The following DYM variants were observed in gnomAD, a reference collection of about 807,000 sequenced individuals.
DYM encodes dyggve-Melchior-Clausen syndrome protein.
DYM carries 78 observed loss-of-function variants against 93.1 expected under a neutral mutation model. The observed-to-expected ratio is 0.84, with a 90% CI of 0.70 to 1.01. DYM has a LOEUF of 1.01. Among genes scored for constraint, DYM ranks in the 50% least tolerant of loss-of-function variants. The probability of loss-of-function intolerance (pLI) is 0.00; values close to 1 mark genes in which losing one functional copy is unlikely to be tolerated. For synonymous variants in DYM, 321 were observed against 319.7 expected, an observed-to-expected ratio of 1.00 and a Z score of -0.04; for missense variants, 789 against 845.0, an observed-to-expected ratio of 0.93 and a Z score of 0.82.
At chr18:49,251,224 T>C (rs1012404376) in intron 13 of DYM, among the ~76,000 whole-genome samples, 1 of 152,194 alleles carries the variant, frequency 6.6e-6, no homozygotes, top group Non-Finnish European at 1.5e-5. Flanking sequence ...TTCCAGTGAA[T>C]ACAGCAGTGT....
intron 10 of DYM, among the ~76,000 whole-genome samples, chr18:49,278,393 A>G (rs1343186979): frequency 6.6e-6 from 1 of 152,208 alleles, no homozygotes; most frequent in East Asian, 1.9e-4. Flanking sequence ...TCTCTGTTGG[A>G]CTAATACAAA....
intron 17 of DYM, among the ~76,000 whole-genome samples, chr18:49,049,256 A>T (rs2072064123): frequency 6.6e-6 from 1 of 152,196 alleles, no homozygotes; most frequent in Non-Finnish European, 1.5e-5. Context: ...TTCATCTTTG[A>T]AACAACTACA....
intron 8 of DYM, among the ~76,000 whole-genome samples, chr18:49,310,238 A>G (rs1158468287): frequency 2.0e-5 from 3 of 152,242 alleles, no homozygotes; most frequent in Non-Finnish European, 4.4e-5. Context: ...CATTAATTAC[A>G]TGGGATTCAG....
intron 15 of DYM, among the ~76,000 whole-genome samples, chr18:49,158,531 C>A (rs1042639755): frequency 3.3e-5 from 5 of 152,046 alleles, no homozygotes; most frequent in Non-Finnish European, 7.4e-5. Flanking sequence ...ATAACTGTTC[C>A]CATGTTATAT....
intron 17 of DYM, among the ~76,000 whole-genome samples, chr18:49,081,896 G>A (rs1430226200): frequency 6.6e-6 from 1 of 152,220 alleles, no homozygotes; most frequent in Admixed American, 6.5e-5. Flanking sequence ...AAAGTGTCAG[G>A]AAGTAGGTTT....
intron 16 of DYM, among the ~76,000 whole-genome samples, chr18:49,102,748 T>G: frequency 6.6e-6 from 1 of 152,198 alleles, no homozygotes; most frequent in Non-Finnish European, 1.5e-5. Flanking sequence ...CATGAACTCA[T>G]CCTTTTTTAT....
At chr18:49,460,033 G>T (rs1264380372) in intron 1 of DYM, among the ~76,000 whole-genome samples, 2 of 152,116 alleles carry the variant, frequency 1.3e-5, no homozygotes, top group Admixed American at 1.3e-4. Flanking sequence ...TTTCTGATAT[G>T]TTAGTTATAC....
At chr18:49,070,565 T>C (rs1568370695) in intron 17 of DYM, among the ~76,000 whole-genome samples, 1 of 152,168 alleles carries the variant, frequency 6.6e-6, no homozygotes, top group Non-Finnish European at 1.5e-5. Flanking sequence ...CAAGCCCCCT[T>C]TGCCCATTTG....
intron 15 of DYM, among the ~76,000 whole-genome samples, chr18:49,139,331 T>G (rs2144357829): frequency 6.6e-6 from 1 of 152,308 alleles, no homozygotes; most frequent in Non-Finnish European, 1.5e-5. Flanking sequence ...TTTGCTTTCT[T>G]ATTCTGAAAT....
At chr18:49,311,840 C>A (rs902891110) in intron 8 of DYM, among the ~76,000 whole-genome samples, 2 of 149,414 alleles carry the variant, frequency 1.3e-5, no homozygotes, top group Admixed American at 1.3e-4. Context: ...CAAACCTTCA[C>A]GTTATGCACA....
intron 8 of DYM, among the ~76,000 whole-genome samples, chr18:49,289,033 C>T (rs1255256335): frequency 1.3e-5 from 2 of 152,018 alleles, no homozygotes; most frequent in African/African-American, 4.8e-5. Flanking sequence ...GATTTGGCAG[C>T]AGAGGAGACA....
intron 14 of DYM, among the ~76,000 whole-genome samples, chr18:49,168,582 C>T (rs2088216940): frequency 6.6e-6 from 1 of 152,094 alleles, no homozygotes; most frequent in African/African-American, 2.4e-5. Flanking sequence ...TGAAGGGCCG[C>T]TTTATGGCAC....
chr18:49,439,251 G>A (rs2081113848), intron 1 of DYM, among the ~76,000 whole-genome samples: 1 of 152,144 alleles, frequency 6.6e-6, no homozygotes, highest in South Asian at 2.1e-4. Flanking sequence ...GTAACTCTAT[G>A]CTAGAAATGA....
At chr18:49,223,697 GGTAA>G (rs1568048296) in intron 13 of DYM, among the ~76,000 whole-genome samples, 1 of 152,070 alleles carries the variant, frequency 6.6e-6, no homozygotes, top group East Asian at 1.9e-4. Context: ...TGAATAGATA[GGTAA>G]GGGAAAGTTT....
chr18:49,429,498 A>T (rs1420700916), intron 2 of DYM, among the ~76,000 whole-genome samples: 2 of 152,208 alleles, frequency 1.3e-5, no homozygotes, highest in East Asian at 3.8e-4. Flanking sequence ...TTTGTAATAG[A>T]ATTAAATATG....
chr18:49,330,810 C>T (rs1437566355), intron 8 of DYM, among the ~76,000 whole-genome samples: 1 of 152,184 alleles, frequency 6.6e-6, no homozygotes. Flanking sequence ...CTCAAAGAAT[C>T]TATGCAGGTG....
chr18:49,172,758 T>C (rs1275721824), intron 14 of DYM, among the ~76,000 whole-genome samples: 1 of 152,162 alleles, frequency 6.6e-6, no homozygotes, highest in African/African-American at 2.4e-5. Flanking sequence ...CAGTGTCTTT[T>C]GAAGAGCAAA....
chr18:49,365,933 T>A (rs75883771), intron 5 of DYM, among the ~76,000 whole-genome samples: 1,721 of 152,332 alleles, frequency 0.011, 18 homozygotes, highest in South Asian at 0.019. Context: ...TTAAGGAGTA[T>A]ACACACAGCT....
chr18:49,230,596 A>G (rs917011894), intron 13 of DYM, among the ~76,000 whole-genome samples: 7 of 152,314 alleles, frequency 4.6e-5, no homozygotes, highest in African/African-American at 1.7e-4. Context: ...TACTACAGCA[A>G]TGGTTCATTC....
Sources: gnomAD v4.1 joint callset for allele counts (sites outside exome capture counted in the v4.1 genomes callset) on GRCh38, gnomAD v4.1.1 for gene constraint, MANE v1.5 for transcripts, NCBI Gene and HGNC (gene_info 2026-07-23, HGNC 2026-07-21) for gene names.